Variants in PTBP3 observed in about 807,000 individuals in gnomAD.
PTBP3 encodes the protein polypyrimidine tract-binding protein 3.
A neutral mutation model predicts 58.7 loss-of-function variants in PTBP3; 20 were observed. The ratio of observed to expected loss-of-function variants is 0.34; its 90% CI spans 0.24 to 0.50. The LOEUF (loss-of-function observed/expected upper bound fraction) is 0.50, where lower values mean the gene tolerates loss of function less well. PTBP3 is among the 20% of genes least tolerant of loss of function. The pLI is 0.98. For missense variants in PTBP3, 509 were observed against 637.2 expected (o/e 0.80, Z 2.17); for synonymous variants, 185 against 219.8 (o/e 0.84, Z 1.40).
At chr9:112,271,449 A>T (rs1451390842) in intron 3 of PTBP3, among the ~76,000 whole-genome samples, 2 of 152,180 alleles carry the variant, frequency 1.3e-5, no homozygotes, top group Non-Finnish European at 2.9e-5. Flanking sequence ...AGACAGGCGT[A>T]GTGGCTCACG....
intron 2 of PTBP3, chr9:112,280,977 T>C (rs951502720): frequency 1.8e-4 from 27 of 152,264 alleles, no homozygotes; most frequent in Non-Finnish European, 2.5e-4. Context: ...GACGATTTAT[T>C]TCAGTCTATA....
At position 112,320,314 on chromosome 9, in the gene PTBP3, A is replaced by ATATATATAT; in HGVS notation, c.-52+13155_-52+13156insATATATATA. Among the ~76,000 whole-genome samples, 38 of 75,690 alleles carry ATATATATAT rather than the reference A, an allele frequency of 5.0e-4. No homozygotes were observed. In the East Asian group the frequency reaches 7.1e-3, roughly 14 times the overall value. 49.7% of individuals were successfully genotyped at this position (75,690 alleles called of 152,430 possible). On this transcript the variant is annotated intron_variant, in intron 1 of 13. Transcript: ENST00000374257. ...AAAATATATATATATATATATATAT[A>ATATATATAT]TTTTTTTTTAAGTGTTATCACCAGA...
chr9:112,319,694 G>C (rs1428927174), intron 1 of PTBP3, among the ~76,000 whole-genome samples: 2 of 132,600 alleles, frequency 1.5e-5, no homozygotes, highest in East Asian at 4.1e-4. Flanking sequence ...AGAGGAAATG[G>C]AGTCAGTATG....
Position 112,333,525 on chromosome 9 carries a change from G to A in PTBP3, c.-107C>T. The A allele has an allele frequency of 1.3e-6, 2 of 1,570,076 alleles. No individual in the cohort carries two copies. The highest frequency in any genetic ancestry group is 1.7e-6 in the Non-Finnish European group (2 of 1,156,894). Reference sequence around the variant, plus strand: ...GAGCAGGGACTGACGGGCTAACCGCGAGCAGAGGAAGCAGGCGGCGGCAGC... The same window carrying A: ...GAGCAGGGACTGACGGGCTAACCGCAAGCAGAGGAAGCAGGCGGCGGCAGC... On this transcript the variant is annotated 5_prime_UTR_variant, in exon 1 of 14. Coordinates refer to ENST00000374257, the MANE Select transcript of PTBP3 (RefSeq NM_001163788.4).
chr9:112,228,301 C>T (rs1835067621), intron 11 of PTBP3, 79 bp downstream of exon 11: 1 of 937,282 alleles, frequency 1.1e-6, no homozygotes, highest in East Asian at 2.7e-5. Flanking sequence ...CATATTCCTA[C>T]TAGCTGTATT....
At chr9:112,329,824 T>C (rs1416500938) in intron 1 of PTBP3, among the ~76,000 whole-genome samples, 1 of 146,532 alleles carries the variant, frequency 6.8e-6, no homozygotes, top group African/African-American at 2.5e-5. Context: ...GGTAAGAAGA[T>C]AAATCAGAGC....
At chr9:112,363,643 A>C in the PTBP3 span, among the ~76,000 whole-genome samples, 1 of 152,060 alleles carries the variant, frequency 6.6e-6, no homozygotes, top group Non-Finnish European at 1.5e-5. Context: ...TATTCTATTA[A>C]TTGATCTATA....
chr9:112,282,049 T>C (rs550146763), intron 2 of PTBP3, among the ~76,000 whole-genome samples: 25 of 152,236 alleles, frequency 1.6e-4, no homozygotes, highest in African/African-American at 6.0e-4. Context: ...CTCTCTAGTG[T>C]CTCTTAAGTA....
chr9:112,370,387 C>CA, the PTBP3 span, among the ~76,000 whole-genome samples: 7 of 151,906 alleles, frequency 4.6e-5, no homozygotes, highest in Non-Finnish European at 7.4e-5. Flanking sequence ...ACCAGAAATA[C>CA]AAAAAAATAG....
intron 2 of PTBP3, among the ~76,000 whole-genome samples, chr9:112,284,309 C>A (rs953474288): frequency 6.6e-6 from 1 of 152,168 alleles, no homozygotes; most frequent in Non-Finnish European, 1.5e-5. Context: ...GCCACCGGGG[C>A]GGAGATGCCC....
At chr9:112,365,202 A>C in the PTBP3 span, among the ~76,000 whole-genome samples, 1 of 152,168 alleles carries the variant, frequency 6.6e-6, no homozygotes, top group East Asian at 1.9e-4. Flanking sequence ...CTATCTATAC[A>C]TATGTCACAT....
At chr9:112,236,915 T>C (rs1362188562) in intron 7 of PTBP3, among the ~76,000 whole-genome samples, 1 of 152,092 alleles carries the variant, frequency 6.6e-6, no homozygotes, top group African/African-American at 2.4e-5. Context: ...CAAGAGCTTA[T>C]TCACAGCTGC....
chr9:112,339,420 C>T, the PTBP3 span, among the ~76,000 whole-genome samples: 1 of 151,622 alleles, frequency 6.6e-6, no homozygotes, highest in Admixed American at 6.6e-5. Flanking sequence ...GTCCTTAAAA[C>T]TGTTGTCCCC....
the PTBP3 span, among the ~76,000 whole-genome samples, chr9:112,347,350 T>C: frequency 6.6e-6 from 1 of 151,130 alleles, no homozygotes; most frequent in Admixed American, 6.6e-5. Context: ...CCTTTTTTTT[T>C]TTTTTTTTGA....
chr9:112,222,825 C>T lies in PTBP3; in HGVS notation c.*1026G>A. ...CATAATAAGAAATTAAGTAAATACA[C>T]AGTAATTCTGAGTAAGTATTAGAGA... On this transcript the variant is annotated 3_prime_UTR_variant, in exon 14 of 14. Coordinates refer to ENST00000374257, the MANE Select transcript of PTBP3 (RefSeq NM_001163788.4). The T allele has an allele frequency of 1.1e-6, 1 of 898,358 alleles. No individual in the cohort carries two copies. Among genetic ancestry groups the T allele is most frequent in the Non-Finnish European group, 1.3e-6 (1 of 750,564 alleles). 55.6% of individuals were successfully genotyped at this position (898,358 alleles called of 1,614,324 possible). A position where few individuals can be genotyped will look rare whatever the true frequency, so the allele number is the denominator to read the frequency against.
chr9:112,237,076 A>C (rs947365799), intron 7 of PTBP3, among the ~76,000 whole-genome samples: 5 of 152,184 alleles, frequency 3.3e-5, no homozygotes, highest in Admixed American at 2.6e-4. Flanking sequence ...AGAAATGAGG[A>C]AAGATTTTGA....
chr9:112,250,911 C>T lies in PTBP3; in HGVS notation c.802+18G>A. On this transcript the variant is annotated intron_variant, in intron 7 of 13. Transcript: ENST00000374257. ...ACTTCAGAAAACTTGCTTTGTGACC[C>T]AAAAAAGAACTACTCACCAAAAGCA... 1 of 1,474,852 alleles carries T rather than the reference C, an allele frequency of 6.8e-7. No individual in the cohort carries two copies. The highest frequency in any genetic ancestry group is 9.0e-7 in the Non-Finnish European group (1 of 1,110,420). The allele number at this position is 1,474,852 out of a possible 1,614,324, so 91.4% of individuals were successfully genotyped here.
intron 1 of PTBP3, among the ~76,000 whole-genome samples, chr9:112,310,828 T>C (rs1357102695): frequency 1.3e-5 from 2 of 152,182 alleles, no homozygotes; most frequent in Admixed American, 6.5e-5. Flanking sequence ...AGTAAGCATG[T>C]AGATATCTGA....
the PTBP3 span, among the ~76,000 whole-genome samples, chr9:112,368,780 CAATTATCAAG>C: frequency 6.6e-6 from 1 of 152,152 alleles, no homozygotes; most frequent in Non-Finnish European, 1.5e-5. Flanking sequence ...AGCCAAATGT[CAATTATCAAG>C]ACAACGGGGG....
Sources: allele counts gnomAD v4.1 joint callset (sites outside exome capture counted in the v4.1 genomes callset), GRCh38; gene constraint gnomAD v4.1.1; transcripts MANE v1.5; gene names NCBI Gene and HGNC (gene_info 2026-07-23, HGNC 2026-07-21).